ANO3: variants seen among roughly 807,000 people sequenced by gnomAD.
ANO3 encodes anoctamin-3.
ANO3 carries 99 observed loss-of-function variants against 144.8 expected under a neutral mutation model. The observed-to-expected ratio is 0.68, with a 90% CI of 0.58 to 0.81. ANO3 has a LOEUF of 0.81. Among genes scored for constraint, ANO3 ranks in the 30% least tolerant of loss-of-function variants. The pLI is 0.00. For synonymous variants in ANO3, 414 were observed against 392.6 expected, an observed-to-expected ratio of 1.05 and a Z score of -0.64; for missense variants, 905 against 1,202.2, an observed-to-expected ratio of 0.75 and a Z score of 3.66.
At chr11:26,411,998 CA>C (rs1048635716) in intron 1 of ANO3, among the ~76,000 whole-genome samples, 11 of 151,950 alleles carry the variant, frequency 7.2e-5, no homozygotes, top group Admixed American at 2.6e-4. Context: ...CTGTAGTAGA[CA>C]TCAAATCAAT....
chr11:26,375,925 T>G (rs1054011396), intron 1 of ANO3, among the ~76,000 whole-genome samples: 1 of 152,180 alleles, frequency 6.6e-6, no homozygotes, highest in Non-Finnish European at 1.5e-5. Flanking sequence ...GCTTTTACTC[T>G]GTGAGGATGA....
chr11:26,553,131 TCTC>T (rs1248361891), intron 12 of ANO3, 115 bp from the exon 13 acceptor site: 3 of 740,606 alleles, frequency 4.1e-6, no homozygotes, highest in Non-Finnish European at 2.3e-6. Flanking sequence ...TCCCATTTCT[TCTC>T]CTTTTCCTCT....
chr11:26,380,862 A>ATTAGCCGGC (rs1170720361), intron 1 of ANO3, among the ~76,000 whole-genome samples: 2 of 152,038 alleles, frequency 1.3e-5, no homozygotes, highest in Non-Finnish European at 2.9e-5. Flanking sequence ...TGTGCCTGTA[A>ATTAGCCGGC]TCCCAGCTAC....
intron 1 of ANO3, among the ~76,000 whole-genome samples, chr11:26,246,810 G>A (rs1162725844): frequency 1.3e-5 from 2 of 151,966 alleles, no homozygotes; most frequent in African/African-American, 2.4e-5. Context: ...TTTTATAAAA[G>A]GCAGTTCCCC....
At chr11:26,246,120 C>T (rs1450601597) in intron 1 of ANO3, among the ~76,000 whole-genome samples, 1 of 151,954 alleles carries the variant, frequency 6.6e-6, no homozygotes, top group African/African-American at 2.4e-5. Flanking sequence ...TAAGGGAGAC[C>T]TTAAGGCATC....
intron 1 of ANO3, among the ~76,000 whole-genome samples, chr11:26,372,718 G>A (rs1856295795): frequency 6.6e-6 from 1 of 152,106 alleles, no homozygotes; most frequent in Non-Finnish European, 1.5e-5. Flanking sequence ...GGCAGAGAAA[G>A]ACTAAGTAAA....
intron 17 of ANO3, among the ~76,000 whole-genome samples, chr11:26,622,300 T>C (rs538728861): frequency 6.6e-6 from 1 of 152,104 alleles, no homozygotes; most frequent in South Asian, 2.1e-4. Context: ...CTCTATGTGC[T>C]AGATATTAAG....
At chr11:26,196,147 C>T (rs1256699112) in intron 1 of ANO3, among the ~76,000 whole-genome samples, 1 of 152,042 alleles carries the variant, frequency 6.6e-6, no homozygotes, top group Non-Finnish European at 1.5e-5. Context: ...CTAGTTAATT[C>T]CTGCAACTAC....
At chr11:26,301,150 C>G (rs762732321) in intron 1 of ANO3, among the ~76,000 whole-genome samples, 23 of 134,374 alleles carry the variant, frequency 1.7e-4, no homozygotes, top group Non-Finnish European at 2.7e-4. Context: ...CCACGCCCAG[C>G]CTCTTTACTT....
intron 1 of ANO3, among the ~76,000 whole-genome samples, chr11:26,386,400 G>A (rs1856733609): frequency 1.3e-5 from 2 of 152,134 alleles, no homozygotes; most frequent in South Asian, 4.1e-4. Context: ...AAGTTTCAAT[G>A]GAGGCTAAGG....
At chr11:26,438,278 A>G (rs1037702881) in intron 1 of ANO3, among the ~76,000 whole-genome samples, 7 of 152,322 alleles carry the variant, frequency 4.6e-5, no homozygotes, top group Admixed American at 3.9e-4. Flanking sequence ...AGCATGAACT[A>G]TAAAACAATC....
chr11:26,416,972 A>G (rs759153062), intron 1 of ANO3, among the ~76,000 whole-genome samples: 2 of 152,108 alleles, frequency 1.3e-5, no homozygotes, highest in Non-Finnish European at 2.9e-5. Context: ...CTTCAACTTC[A>G]CAAGTCCCAG....
At chr11:26,486,563 G>C (rs994136) in intron 4 of ANO3, among the ~76,000 whole-genome samples, 1 of 152,060 alleles carries the variant, frequency 6.6e-6, no homozygotes, top group Non-Finnish European at 1.5e-5. Flanking sequence ...GCAAGTTTTT[G>C]TTTTAGTTCT....
At chr11:26,652,804 GC>G (rs1853573740) in intron 24 of ANO3, among the ~76,000 whole-genome samples, 1 of 152,022 alleles carries the variant, frequency 6.6e-6, no homozygotes, top group Non-Finnish European at 1.5e-5. Flanking sequence ...TAATGTGTAT[GC>G]CCCATGGCTC....
intron 1 of ANO3, among the ~76,000 whole-genome samples, chr11:26,393,619 T>C (rs1856934958): frequency 6.6e-6 from 1 of 152,190 alleles, no homozygotes; most frequent in African/African-American, 2.4e-5. Flanking sequence ...ATTAAATTTA[T>C]GTAATCATAC....
intron 24 of ANO3, among the ~76,000 whole-genome samples, chr11:26,652,792 G>A (rs183177633): frequency 3.3e-5 from 5 of 152,066 alleles, no homozygotes; most frequent in Admixed American, 2.0e-4. Flanking sequence ...AACTCTCTTC[G>A]ATAATGTGTA....
At chr11:26,259,454 C>G (rs1011758370) in intron 1 of ANO3, among the ~76,000 whole-genome samples, 1 of 151,912 alleles carries the variant, frequency 6.6e-6, no homozygotes, top group African/African-American at 2.4e-5. Flanking sequence ...TTGAGACCAT[C>G]CTGGCCAACA....
chr11:26,523,826 T>G (rs1849086851), intron 6 of ANO3, among the ~76,000 whole-genome samples: 1 of 152,036 alleles, frequency 6.6e-6, no homozygotes, highest in African/African-American at 2.4e-5. Flanking sequence ...AGACAGAGAG[T>G]AGTGTTTAGT....
intron 17 of ANO3, among the ~76,000 whole-genome samples, chr11:26,613,660 G>A (rs1045771624): frequency 1.3e-5 from 2 of 152,146 alleles, no homozygotes; most frequent in Non-Finnish European, 1.5e-5. Context: ...ACTTTCTTTG[G>A]TAGGTGGTCC....
Sources: gnomAD v4.1 joint callset for allele counts (sites outside exome capture counted in the v4.1 genomes callset) on GRCh38, gnomAD v4.1.1 for gene constraint, MANE v1.5 for transcripts, NCBI Gene and HGNC (gene_info 2026-07-23, HGNC 2026-07-21) for gene names.